The following OAS2 variants were observed in gnomAD, a reference collection of about 807,000 sequenced individuals.
OAS2 encodes the protein 2'-5'-oligoadenylate synthetase 2.
Under a neutral mutation model 71.3 loss-of-function variants are expected in OAS2, and 67 were observed. The observed-to-expected ratio is 0.94, with a 90% CI of 0.77 to 1.15. OAS2 has a LOEUF of 1.15. Among genes scored for constraint, OAS2 ranks in the 50% most tolerant of loss-of-function variants. The probability of loss-of-function intolerance (pLI) is 0.00; values close to 1 mark genes in which losing one functional copy is unlikely to be tolerated. For synonymous variants in OAS2, 327 were observed against 321.8 expected (o/e 1.02, Z -0.17); for missense variants, 789 against 822.5 (o/e 0.96, Z 0.50).
intron 8 of OAS2, 36 bp downstream of exon 8, chr12:113,006,636 A>T: frequency 6.8e-7 from 1 of 1,474,484 alleles, no homozygotes; most frequent in South Asian, 1.4e-5. Flanking sequence ...TGGGGTTATT[A>T]TTTTTACCAG....
At chr12:113,003,756 TA>T (rs1300516645) in intron 6 of OAS2, among the ~76,000 whole-genome samples, 1 of 152,202 alleles carries the variant, frequency 6.6e-6, no homozygotes, top group Non-Finnish European at 1.5e-5. Flanking sequence ...CACGACCAGA[TA>T]AACGTGTCCC....
intron 6 of OAS2, among the ~76,000 whole-genome samples, chr12:113,003,454 TAG>T (rs2044306680): frequency 1.3e-5 from 2 of 152,202 alleles, no homozygotes; most frequent in Admixed American, 1.3e-4. Flanking sequence ...TCATAGGATT[TAG>T]GGCCCAGCCT....
chr12:113,008,259 T>G (rs970121660), intron 9 of OAS2, among the ~76,000 whole-genome samples: 1 of 152,178 alleles, frequency 6.6e-6, no homozygotes, highest in East Asian at 1.9e-4. Flanking sequence ...TGCAGGGTTT[T>G]TATTGGGTTA....
At chr12:112,999,905 T>C (rs1469160882) in intron 5 of OAS2, among the ~76,000 whole-genome samples, 1 of 152,208 alleles carries the variant, frequency 6.6e-6, no homozygotes, top group East Asian at 1.9e-4. Flanking sequence ...TTGTTACAGT[T>C]GTTTTTAATC....
rs904577908 is a variant in OAS2 at position 112,997,742 on chromosome 12, C to G, written c.850C>G (p.Leu284Val). ...CATCAGGAACATCCTGCTGCACCAG[C>G]TCCAATCAGCGAGGTGCCAAGCTTC... The part of the protein sequence containing the change: ...ETIRNILLHQ[L>V]QSARPVILDP... Residue 284 changes from leucine to valine, a missense_variant, in exon 4 of 10, where the codon CTC (leucine) becomes GTC (valine). Leu to Val is a conservative substitution (Grantham distance 32). Transcript: ENST00000392583. 2.4e-5 allele frequency: 38 copies of G among 1,591,546 alleles called. No homozygotes were observed. The highest frequency in any genetic ancestry group is 2.9e-5 in the Non-Finnish European group (34 of 1,167,442).
intron 8 of OAS2, among the ~76,000 whole-genome samples, 181 bp downstream of exon 8, chr12:113,006,781 G>A (rs141411387): frequency 1.1e-4 from 16 of 152,302 alleles, no homozygotes; most frequent in African/African-American, 3.8e-4. Flanking sequence ...GGCGTTGATG[G>A]CTTCTGCCCA....
chr12:113,003,151 C>A, intron 6 of OAS2, 49 bp downstream of exon 6: 1 of 1,588,854 alleles, frequency 6.3e-7, no homozygotes, highest in South Asian at 1.1e-5. Flanking sequence ...TAATATTGGG[C>A]ATTCCTGGAA....
chr12:113,010,651 C>A lies in OAS2; in HGVS notation c.*1396C>A. On this transcript the variant is annotated 3_prime_UTR_variant, in exon 10 of 10. Transcript: ENST00000392583. ...ATAAAGTCTTGCCTTGCTGAACTCCCTCTCTGCAGGCAGCCTGCCTTTAAA... is the reference window on the plus strand; with the variant it reads ...ATAAAGTCTTGCCTTGCTGAACTCCATCTCTGCAGGCAGCCTGCCTTTAAA... 1.0e-6 allele frequency: 1 copy of A among 973,690 alleles called. No homozygotes were observed. Among genetic ancestry groups the A allele is most frequent in the Non-Finnish European group, 1.4e-6 (1 of 724,480 alleles). 60.3% of individuals were successfully genotyped at this position (973,690 alleles called of 1,614,324 possible). A position where few individuals can be genotyped will look rare whatever the true frequency, so the allele number is the denominator to read the frequency against.
chr12:112,994,189 G>A (rs73432778), intron 2 of OAS2, among the ~76,000 whole-genome samples: 6,715 of 151,914 alleles, frequency 0.044, 486 homozygotes, highest in African/African-American at 0.15. Context: ...CCTAATTCCC[G>A]TTTTCCCACA....
chr12:112,995,310 C>A lies in OAS2; in HGVS notation c.463C>A (p.Pro155Thr), dbSNP rs775781926. Residue 155 changes from proline (P) to threonine (T), a missense_variant, in exon 3 of 10, where the codon CCC (proline) becomes ACC (threonine). Coordinates refer to ENST00000392583, the MANE Select transcript of OAS2 (RefSeq NM_002535.3). ...TTTCACATCAGGCTTAAATGATAAT[C>A]CCAGCCCCTGGATCTATCGAGAGCT... ...AFNALSLNDN[P>T]SPWIYRELKR... 2.5e-6 allele frequency: 4 copies of A among 1,608,100 alleles called. No individual in the cohort carries two copies. The highest frequency in any genetic ancestry group is 3.4e-6 in the Non-Finnish European group (4 of 1,178,182).
At chr12:113,000,588 T>C (rs1293408318) in intron 5 of OAS2, among the ~76,000 whole-genome samples, 5 of 139,084 alleles carry the variant, frequency 3.6e-5, no homozygotes, top group Non-Finnish European at 7.7e-5. Context: ...CGCACACACA[T>C]ACATGCATAC....
Position 113,010,278 on chromosome 12 carries a change from C to A in OAS2, c.*1023C>A. ...ATTGTCTCTGGCAATAGTTACCTTC[C>A]CAGATACAGGTCCCCCCTTTTTTCC... On this transcript the variant is annotated 3_prime_UTR_variant, in exon 10 of 10. Coordinates refer to ENST00000392583, the MANE Select transcript of OAS2 (RefSeq NM_002535.3). The A allele has an allele frequency of 2.0e-6, 3 of 1,489,586 alleles. No individual in the cohort carries two copies. Among genetic ancestry groups the A allele is most frequent in the Non-Finnish European group, 2.7e-6 (3 of 1,125,200 alleles). The allele number at this position is 1,489,586 out of a possible 1,614,324, so 92.3% of individuals were successfully genotyped here.
intron 3 of OAS2, among the ~76,000 whole-genome samples, chr12:112,995,709 C>T (rs1489398290): frequency 3.3e-5 from 5 of 152,130 alleles, no homozygotes; most frequent in African/African-American, 4.8e-5. Context: ...CTATTACCAC[C>T]GCAGATTAGT....
At chr12:113,000,097 A>G (rs760188418) in intron 5 of OAS2, among the ~76,000 whole-genome samples, 2 of 152,124 alleles carry the variant, frequency 1.3e-5, no homozygotes, top group Non-Finnish European at 1.5e-5. Context: ...ACTGCCAGAC[A>G]TCTCTTTACC....
At chr12:112,979,215 G>A (rs1338736726) in intron 1 of OAS2, among the ~76,000 whole-genome samples, 1 of 152,202 alleles carries the variant, frequency 6.6e-6, no homozygotes, top group East Asian at 1.9e-4. Flanking sequence ...TCCGCAGCAA[G>A]AAGGAGTGGC....
intron 8 of OAS2, 114 bp downstream of exon 8, chr12:113,006,714 T>A: frequency 1.2e-6 from 1 of 863,576 alleles, no homozygotes; most frequent in Non-Finnish European, 1.7e-6. Context: ...CTTTGGAGAA[T>A]CTGCCCACTG....
rs751164065 is a variant in OAS2 at position 113,009,268 on chromosome 12, C to G, written c.*13C>G. On this transcript the variant is annotated 3_prime_UTR_variant, in exon 10 of 10. Coordinates refer to ENST00000392583, the MANE Select transcript of OAS2 (RefSeq NM_002535.3). ...AAAAGTCATCTAAAGGAGGCGTTGT[C>G]TGGAAATAGCCCTGTAACAGGCTTG... is the stretch of plus-strand genomic sequence containing the variant. 2.2e-4 allele frequency: 358 copies of G among 1,612,812 alleles called. 2 individuals are homozygous for G. Among genetic ancestry groups the G allele is most frequent in the Admixed American group, 4.8e-4 (29 of 59,878 alleles).
At chr12:112,999,839 C>A (rs1310063054) in intron 5 of OAS2, among the ~76,000 whole-genome samples, 1 of 152,170 alleles carries the variant, frequency 6.6e-6, no homozygotes, top group Non-Finnish European at 1.5e-5. Flanking sequence ...AGATGCAGTA[C>A]CCATGTGCAA....
At position 112,998,370 on chromosome 12, in the gene OAS2, A is replaced by G. The variant is rs770556810; in HGVS notation, c.968A>G (p.Asn323Ser). The G allele has an allele frequency of 1.2e-6, 2 of 1,611,326 alleles. No homozygotes were observed. Among genetic ancestry groups the G allele is most frequent in the South Asian group, 1.1e-5 (1 of 90,314 alleles). The change falls in exon 5 of 10, where the codon AAC (asparagine) becomes AGC (serine). Residue 323 changes from asparagine to serine, a missense_variant. Physicochemically the swap from Asn to Ser is conservative, Grantham distance 46. Transcript: ENST00000392583. ...KEAQTWLTSP[N>S]LDNELPAPSW... is the part of the protein sequence containing the mutation. ...GCTCAAACCTGGTTGACTTCTCCCA[A>G]CCTGGATAATGAGTTACCTGCACCA...
Sources: gnomAD v4.1 joint callset for allele counts (sites outside exome capture counted in the v4.1 genomes callset) on GRCh38, gnomAD v4.1.1 for gene constraint, MANE v1.5 for transcripts, NCBI Gene and HGNC (gene_info 2026-07-23, HGNC 2026-07-21) for gene names.